ZMYND19: variants seen among roughly 807,000 people sequenced by gnomAD.
ZMYND19 encodes the protein zinc finger MYND-type containing 19.
In ZMYND19, 17 loss-of-function variants were observed where a neutral mutation model predicts 32.0. The ratio of observed to expected loss-of-function variants is 0.53; its 90% CI spans 0.36 to 0.80. The LOEUF is 0.80. ZMYND19 is among the 30% of genes least tolerant of loss of function. ZMYND19 has a pLI of 0.00. For synonymous variants in ZMYND19, 124 were observed against 113.6 expected (o/e 1.09, Z -0.58); for missense variants, 250 against 293.6 (o/e 0.85, Z 1.09).
intron 2 of ZMYND19, 93 bp from the exon 3 acceptor site, chr9:137,587,916 G>A (rs1842224584): frequency 5.5e-6 from 7 of 1,277,184 alleles, no homozygotes; most frequent in Non-Finnish European, 8.0e-6. Context: ...AAACAAGCAA[G>A]CCAGAGGGAC....
chr9:137,590,236 G>A lies in ZMYND19; in HGVS notation c.28C>T (p.Arg10Trp). The change falls in exon 1 of 6, where the codon CGG (arginine) becomes TGG (tryptophan). Residue 10 changes from arginine to tryptophan, a missense_variant. This residue lies in a region of ZMYND19 where 212 missense variants were observed against 218.8 expected (regional missense o/e 0.97). Transcript: ENST00000298585. This position sits in a 1 kb window ranked among gnomAD's most constrained non-coding sequence, Gnocchi z 4.2. MTDFKLGIV[R>W]LGRVAGKTKY... The stretch of plus-strand genomic sequence containing the variant: ...ACCTTCCCGGCCACCCGGCCGAGCC[G>A]CACGATACCCAATTTGAAGTCGGTC... 1.7e-6 allele frequency: 2 copies of A among 1,151,612 alleles called. No homozygotes were observed. Among genetic ancestry groups the A allele is most frequent in the South Asian group, 1.9e-5 (1 of 53,704 alleles). The allele number at this position is 1,151,612 out of a possible 1,614,324, so 71.3% of individuals were successfully genotyped here.
At chr9:137,589,929 C>T (rs1304559347) in intron 1 of ZMYND19, 2 of 985,256 alleles carry the variant, frequency 2.0e-6, no homozygotes, top group Admixed American at 6.1e-5. Context: ...CACGCATCTC[C>T]GCACCCGGCT....
Position 137,590,321 on chromosome 9 carries a change from G to A in ZMYND19, c.-58C>T, listed in dbSNP as rs1485462884. The A allele has an allele frequency of 4.0e-6, 4 of 1,003,660 alleles. No homozygotes were observed. Among genetic ancestry groups the A allele is most frequent in the East Asian group, 1.8e-4 (2 of 11,310 alleles). The allele number at this position is 1,003,660 out of a possible 1,614,324, so 62.2% of individuals were successfully genotyped here. The stretch of plus-strand genomic sequence containing the variant: ...CTCCCTCGGGAGGCGCCGAGCGGGG[G>A]CCGGGGCGAGGCCGCGGCGCGCCGG... On this transcript the variant is annotated 5_prime_UTR_variant, in exon 1 of 6. Transcript: ENST00000298585. This position sits in a 1 kb window ranked among gnomAD's most constrained non-coding sequence, Gnocchi z 4.2.
intron 5 of ZMYND19, 71 bp from the exon 6 acceptor site, chr9:137,582,757 C>G: frequency 1.9e-6 from 3 of 1,571,680 alleles, no homozygotes; most frequent in Non-Finnish European, 2.6e-6. Context: ...CTGCGTCTTA[C>G]GGACAATCTG....
At chr9:137,582,719 ATGC>A (rs1564489547) in intron 5 of ZMYND19, 33 bp from the exon 6 acceptor site, 2 of 1,606,456 alleles carry the variant, frequency 1.2e-6, no homozygotes, top group Non-Finnish European at 1.7e-6. Context: ...CTTCACCATC[ATGC>A]CTGGGACGCA....
intron 2 of ZMYND19, among the ~76,000 whole-genome samples, chr9:137,588,208 A>C (rs1842227847): frequency 6.6e-6 from 1 of 152,228 alleles, no homozygotes; most frequent in South Asian, 2.1e-4. Flanking sequence ...AGCGGCAGGA[A>C]TGGAAGCTGG....
At chr9:137,589,291 C>T (rs977640445) in intron 1 of ZMYND19, 1 of 979,540 alleles carries the variant, frequency 1.0e-6, no homozygotes, top group Non-Finnish European at 1.2e-6. Context: ...AAGCCTCCTC[C>T]CCAGCAGGCC....
intron 4 of ZMYND19, among the ~76,000 whole-genome samples, chr9:137,583,849 C>T (rs1054405391): frequency 3.9e-5 from 6 of 152,244 alleles, no homozygotes; most frequent in Non-Finnish European, 7.3e-5. Flanking sequence ...GAAGACAGAA[C>T]AGGAAAACAC....
At chr9:137,588,317 AG>A (rs1842229403) in intron 2 of ZMYND19, among the ~76,000 whole-genome samples, 1 of 152,256 alleles carries the variant, frequency 6.6e-6, no homozygotes, top group Non-Finnish European at 1.5e-5. Flanking sequence ...CTAGCTCTAA[AG>A]AGCAGGGTCT....
chr9:137,587,676 A>G, intron 3 of ZMYND19, 41 bp downstream of exon 3: 1 of 1,583,568 alleles, frequency 6.3e-7, no homozygotes, highest in Non-Finnish European at 8.7e-7. Context: ...CTCACCCAGG[A>G]GCCCAGTGGC....
At chr9:137,585,917 G>A (rs996450527) in intron 4 of ZMYND19, among the ~76,000 whole-genome samples, 8 of 152,280 alleles carry the variant, frequency 5.3e-5, no homozygotes. Flanking sequence ...CCAGAGGCTT[G>A]AGGACGTGCC....
Position 137,583,105 on chromosome 9 carries a change from GTTC to G in ZMYND19, c.415_417del (p.Glu139del). On this transcript the variant is annotated inframe_deletion, in exon 5 of 6. Transcript: ENST00000298585. ...CGGGTCACATTTAGGACAGGAAACT[GTTC>G]TTCTATAGGGTCTGTAGGCAGCTGC... 5 of 1,614,172 alleles carry G rather than the reference GTTC, an allele frequency of 3.1e-6. No homozygotes were observed. The highest frequency in any genetic ancestry group is 4.2e-6 in the Non-Finnish European group (5 of 1,180,022).
chr9:137,587,799 C>T lies in ZMYND19; in HGVS notation c.136G>A (p.Gly46Arg). Residue 46 changes from glycine (G) to arginine (R), a missense_variant, in exon 3 of 6, where the codon GGA (glycine) becomes AGA (arginine). Gly to Arg is a moderately radical substitution (Grantham distance 125). Coordinates refer to ENST00000298585, the MANE Select transcript of ZMYND19 (RefSeq NM_138462.3). Reference protein sequence around the residue: ...FEARMEVDADGNGAKIFAYAF... With the variant: ...FEARMEVDADRNGAKIFAYAF... Reference sequence around the variant, plus strand: ...TAGGCAAATATCTTAGCACCATTTCCATCTGCATCCACTTCCATTCGGGCC... The same window carrying T: ...TAGGCAAATATCTTAGCACCATTTCTATCTGCATCCACTTCCATTCGGGCC... 1 of 1,614,184 alleles carries T rather than the reference C, an allele frequency of 6.2e-7. No homozygotes were observed. The highest frequency in any genetic ancestry group is 8.5e-7 in the Non-Finnish European group (1 of 1,180,030).
At chr9:137,588,979 C>G (rs543719451) in intron 1 of ZMYND19, 1 of 490,832 alleles carries the variant, frequency 2.0e-6, no homozygotes, top group Non-Finnish European at 3.7e-6. Context: ...TGGTATCAGG[C>G]TTCATCCTCG....
intron 1 of ZMYND19, chr9:137,589,861 G>T: frequency 4.1e-6 from 4 of 985,420 alleles, no homozygotes; most frequent in Non-Finnish European, 3.6e-6. Flanking sequence ...GCCGCGCTAG[G>T]CCCCGGATCG....
At chr9:137,583,232 A>G (rs1054775545) in intron 4 of ZMYND19, 69 bp from the exon 5 acceptor site, 5 of 1,551,472 alleles carry the variant, frequency 3.2e-6, no homozygotes, top group Admixed American at 3.5e-5. Flanking sequence ...AGACGATGCA[A>G]TGACTCCATA....
chr9:137,587,348 G>A, intron 3 of ZMYND19: 1 of 653,676 alleles, frequency 1.5e-6, no homozygotes, highest in Non-Finnish European at 2.6e-6. Flanking sequence ...GGACTTCAGA[G>A]CACAGACAGC....
chr9:137,587,923 G>A (rs924335346), intron 2 of ZMYND19, 100 bp from the exon 3 acceptor site: 4 of 1,193,976 alleles, frequency 3.4e-6, no homozygotes, highest in Non-Finnish European at 5.0e-6. Flanking sequence ...CAAGCCAGAG[G>A]GACAAATGCC....
Position 137,590,153 on chromosome 9 carries a change from G to GCCCCGGCCCCCGT in ZMYND19, c.51+59_51+60insACGGGGGCCGGGG. 1 of 994,912 alleles carries GCCCCGGCCCCCGT rather than the reference G, an allele frequency of 1.0e-6. No homozygotes were observed. Among genetic ancestry groups the GCCCCGGCCCCCGT allele is most frequent in the Non-Finnish European group, 1.2e-6 (1 of 836,484 alleles). 61.6% of individuals were successfully genotyped at this position (994,912 alleles called of 1,614,324 possible). On this transcript the variant is annotated intron_variant, in intron 1 of 5. Coordinates refer to ENST00000298585, the MANE Select transcript of ZMYND19 (RefSeq NM_138462.3). This position sits in a 1 kb window ranked among gnomAD's most constrained non-coding sequence, Gnocchi z 4.2. ...GCCGCCGCCCGCACAACCGCCCCCG[G>GCCCCGGCCCCCGT]CCCCGCGCGGAGGCCTGGACGGGCG...
Sources: allele counts gnomAD v4.1 joint callset (sites outside exome capture counted in the v4.1 genomes callset), GRCh38; gene constraint gnomAD v4.1.1; regional missense constraint gnomAD v4.1.1; non-coding constraint Gnocchi (gnomAD v3.1); transcripts MANE v1.5; gene names NCBI Gene and HGNC (gene_info 2026-07-23, HGNC 2026-07-21).